The following PPP2R5C variants were observed in gnomAD, a reference collection of about 807,000 sequenced individuals.
PPP2R5C encodes the protein serine/threonine-protein phosphatase 2A 56 kDa regulatory subunit gamma isoform.
Under a neutral mutation model 68.9 loss-of-function variants are expected in PPP2R5C, and 7 were observed. The observed-to-expected ratio is 0.10, with a 90% confidence interval of 0.06 to 0.19. PPP2R5C has a LOEUF of 0.19. PPP2R5C is among the 10% of genes least tolerant of loss of function. PPP2R5C has a pLI of 1.00. For synonymous variants in PPP2R5C, 210 were observed against 222.2 expected (o/e 0.95, Z 0.49); for missense variants, 348 against 641.3 (o/e 0.54, Z 4.94).
At chr14:101,890,202 G>C in intron 5 of PPP2R5C, 35 bp from the exon 8 acceptor site, 4 of 1,567,154 alleles carry the variant, frequency 2.6e-6, no homozygotes, top group Non-Finnish European at 3.5e-6. Context: ...GGTTAGTTCA[G>C]TGTCTAATTC....
At chr14:101,814,622 T>G (rs925302526) in intron 1 of PPP2R5C, among the ~76,000 whole-genome samples, 1 of 152,220 alleles carries the variant, frequency 6.6e-6, no homozygotes, top group Non-Finnish European at 1.5e-5. Flanking sequence ...GCAAAAGCTA[T>G]CTTCTAAAAT....
rs185614045 is a variant in PPP2R5C at position 101,917,367 on chromosome 14, G to A, written c.1327-464G>A. On this transcript the variant is annotated intron_variant, in intron 12 of 13. Coordinates refer to ENST00000334743, the Ensembl canonical transcript of PPP2R5C. This position sits in a 1 kb window ranked among gnomAD's most constrained non-coding sequence, Gnocchi z 4.4. ...AATGGGATAAAGGGGAGAGAGAACC[G>A]TGCCAGCTGTCTCGATGAGAGGACA... 9.7e-4 allele frequency among the ~76,000 whole-genome samples: 148 copies of A among 152,268 alleles called. No homozygotes were observed. Among genetic ancestry groups the A allele is most frequent in the African/African-American group, 3.4e-3 (140 of 41,556 alleles).
chr14:101,863,761 G>A (rs944284173), intron 2 of PPP2R5C, among the ~76,000 whole-genome samples: 5 of 152,168 alleles, frequency 3.3e-5, no homozygotes, highest in Admixed American at 6.5e-5. Context: ...AGCTGGGCGT[G>A]GTGGCAGGCG....
chr14:101,779,789 A>C (rs564869274), intron 2 of PPP2R5C, among the ~76,000 whole-genome samples: 1 of 152,288 alleles, frequency 6.6e-6, no homozygotes, highest in South Asian at 2.1e-4. Context: ...CAGTATGAAA[A>C]TATGATTGGA....
At chr14:101,761,941 G>C in intron 1 of PPP2R5C, 21 bp downstream of exon 1, 4 of 1,191,356 alleles carry the variant, frequency 3.4e-6, no homozygotes, top group Non-Finnish European at 4.2e-6. Flanking sequence ...GCCCGGCCGC[G>C]GGACGGAGGG....
At chr14:101,847,431 G>A (rs1436458065) in intron 1 of PPP2R5C, among the ~76,000 whole-genome samples, 1 of 152,072 alleles carries the variant, frequency 6.6e-6, no homozygotes, top group Non-Finnish European at 1.5e-5. Flanking sequence ...TGCCTTCCCA[G>A]CAACTGCAGC....
intron 2 of PPP2R5C, among the ~76,000 whole-genome samples, chr14:101,768,196 A>G (rs1212167814): frequency 6.6e-6 from 1 of 152,182 alleles, no homozygotes; most frequent in Non-Finnish European, 1.5e-5. Context: ...TGGAGGATCA[A>G]ATCGCCCCCT....
intron 5 of PPP2R5C, among the ~76,000 whole-genome samples, chr14:101,886,146 T>A (rs1388542912): frequency 2.0e-5 from 3 of 152,116 alleles, no homozygotes; most frequent in African/African-American, 7.2e-5. Flanking sequence ...CCGGGCGTGG[T>A]GGCGGGCACC....
intron 1 of PPP2R5C, among the ~76,000 whole-genome samples, chr14:101,842,698 G>A (rs1021272269): frequency 6.6e-6 from 1 of 151,988 alleles, no homozygotes; most frequent in African/African-American, 2.4e-5. Flanking sequence ...GCTCACACCT[G>A]GCATGGGTAG....
chr14:101,776,265 G>C (rs912755225), intron 2 of PPP2R5C, among the ~76,000 whole-genome samples: 6 of 152,066 alleles, frequency 3.9e-5, no homozygotes, highest in African/African-American at 1.4e-4. Flanking sequence ...GTAAATTCTA[G>C]GTCATCTCTC....
At position 101,770,520 on chromosome 14, in the gene PPP2R5C, C is replaced by T. The variant is rs2037089475; in HGVS notation, c.93+7550C>T. 2.6e-5 allele frequency among the ~76,000 whole-genome samples: 4 copies of T among 152,180 alleles called. No individual in the cohort carries two copies. The South Asian group carries it at 8.3e-4, about 31-fold the overall frequency. ...CACCTGGAGCTTTGGGTGAGAAAAT[C>T]AGATGCTTTAAAGCGTCTAGGGAGA... On this transcript the variant is annotated intron_variant, in intron 2 of 14. Transcript: ENST00000328724.
intron 2 of PPP2R5C, among the ~76,000 whole-genome samples, chr14:101,874,537 A>G (rs570393060): frequency 1.6e-4 from 24 of 152,350 alleles, no homozygotes; most frequent in Admixed American, 2.6e-4. Flanking sequence ...GAATTGAATT[A>G]TAAGTATTAT....
At chr14:101,817,109 C>T (rs866041912) in intron 1 of PPP2R5C, among the ~76,000 whole-genome samples, 8 of 151,028 alleles carry the variant, frequency 5.3e-5, no homozygotes, top group Admixed American at 4.0e-4. Flanking sequence ...AGGCACCCAC[C>T]GCCACAACCA....
chr14:101,850,082 CTG>C (rs1324559544), intron 1 of PPP2R5C, among the ~76,000 whole-genome samples: 1 of 152,154 alleles, frequency 6.6e-6, no homozygotes, highest in Non-Finnish European at 1.5e-5. Context: ...ACTCGGGTAA[CTG>C]TTATCCACAG....
chr14:101,870,829 T>C (rs1487993373), intron 2 of PPP2R5C, among the ~76,000 whole-genome samples: 1 of 152,242 alleles, frequency 6.6e-6, no homozygotes, highest in Non-Finnish European at 1.5e-5. Context: ...ACAGATGCTA[T>C]AAATATCTTC....
chr14:101,901,434 A>G (rs1056643880), intron 8 of PPP2R5C, among the ~76,000 whole-genome samples: 5 of 152,200 alleles, frequency 3.3e-5, no homozygotes, highest in African/African-American at 1.2e-4. Flanking sequence ...CTGAAAGAGG[A>G]GGATCACTTG....
In PPP2R5C at chr14:101,761,923, G is replaced by A. The variant is rs1595092638; in HGVS notation, c.27+3G>A. On this transcript the variant is annotated splice_donor_region_variant and intron_variant, in intron 1 of 14. Transcript: ENST00000328724. ...CGAATAAAAACAAGAAGGAGAAAGT[G>A]AGTCCGGGCCCGGCCGCGGGACGGA... The A allele has an allele frequency of 8.4e-7, 1 of 1,193,338 alleles. No homozygotes were observed. The allele number at this position is 1,193,338 out of a possible 1,614,324, so 73.9% of individuals were successfully genotyped here. A position where few individuals can be genotyped will look rare whatever the true frequency, so the allele number is the denominator to read the frequency against.
In PPP2R5C at chr14:101,899,947, C is replaced by T. The variant is rs901966264; in HGVS notation, c.853-1772C>T. ...TTGTTAGATTCTTGGAGTACAGTGG[C>T]GCAGTCATGGCTCACTGCAGCCTCA... On this transcript the variant is annotated intron_variant, in intron 8 of 13. Transcript: ENST00000334743. This position sits in a 1 kb window ranked among gnomAD's most constrained non-coding sequence, Gnocchi z 4.2. 1.3e-5 allele frequency among the ~76,000 whole-genome samples: 2 copies of T among 152,076 alleles called. No individual in the cohort carries two copies. Among genetic ancestry groups the T allele is most frequent in the East Asian group, 1.9e-4 (1 of 5,192 alleles).
intron 3 of PPP2R5C, 106 bp from the exon 6 acceptor site, chr14:101,883,151 G>C (rs2044264082): frequency 1.4e-6 from 1 of 735,900 alleles, no homozygotes; most frequent in South Asian, 2.0e-5. Context: ...ATGTGGCTTT[G>C]AGAGGCTAAT....
Sources: allele counts gnomAD v4.1 joint callset (sites outside exome capture counted in the v4.1 genomes callset), GRCh38; gene constraint gnomAD v4.1.1; non-coding constraint Gnocchi (gnomAD v3.1); transcripts MANE v1.5; gene names NCBI Gene and HGNC (gene_info 2026-07-23, HGNC 2026-07-21).